WDR89: variants seen among roughly 807,000 people sequenced by gnomAD.
WDR89 encodes the protein WD repeat domain 89.
WDR89 carries 17 observed loss-of-function variants against 29.1 expected under a neutral mutation model. That is an observed-to-expected ratio of 0.58 (90% CI 0.40 to 0.88). The LOEUF is 0.88. WDR89 is among the 40% of genes least tolerant of loss of function. The pLI is 0.00. For missense variants in WDR89, 396 were observed against 456.3 expected (o/e 0.87, Z 1.20); for synonymous variants, 138 against 157.8 (o/e 0.87, Z 0.94).
chr14:63,606,603 A>G (rs1895335394), intron 2 of WDR89, among the ~76,000 whole-genome samples: 1 of 152,208 alleles, frequency 6.6e-6, no homozygotes, highest in South Asian at 2.1e-4. Context: ...AGTATGTAGT[A>G]GGCTATACTA....
Position 63,598,521 on chromosome 14 carries a change from C to A in WDR89, c.*258G>T. ...CCTTATCGGAGCTATTTCTTTAAAG[C>A]CAACATTTACTACATTAACAGATGG... On this transcript the variant is annotated 3_prime_UTR_variant, in exon 3 of 3. Transcript: ENST00000620954. 1 of 281,900 alleles carries A rather than the reference C, an allele frequency of 3.5e-6. No homozygotes were observed. Among genetic ancestry groups the A allele is most frequent in the Non-Finnish European group, 6.5e-6 (1 of 153,902 alleles). The allele number at this position is 281,900 out of a possible 1,614,324, so 17.5% of individuals were successfully genotyped here. A position where few individuals can be genotyped will look rare whatever the true frequency, so the allele number is the denominator to read the frequency against.
chr14:63,616,752 T>G (rs994889141), intron 2 of WDR89, among the ~76,000 whole-genome samples: 3 of 152,084 alleles, frequency 2.0e-5, no homozygotes, highest in Non-Finnish European at 4.4e-5. Flanking sequence ...TATTCTCAAG[T>G]GAGAAAGAAA....
intron 1 of WDR89, chr14:63,641,349 A>G (rs1271090485): frequency 6.6e-6 from 1 of 152,242 alleles, no homozygotes; most frequent in East Asian, 1.9e-4. Context: ...AGTTGCTGGT[A>G]TCATACCACA....
chr14:63,640,992 G>T (rs1315897627), intron 1 of WDR89, among the ~76,000 whole-genome samples: 1 of 149,318 alleles, frequency 6.7e-6, no homozygotes. Context: ...CGGCTACTCG[G>T]GAGGCTGAGG....
intron 2 of WDR89, among the ~76,000 whole-genome samples, chr14:63,620,054 A>G (rs1020929004): frequency 6.6e-6 from 1 of 151,942 alleles, no homozygotes; most frequent in Non-Finnish European, 1.5e-5. Context: ...TGTCAAAGAG[A>G]TATCTGTACT....
At chr14:63,631,634 A>C (rs1033374032) in intron 1 of WDR89, among the ~76,000 whole-genome samples, 1 of 152,050 alleles carries the variant, frequency 6.6e-6, no homozygotes, top group Non-Finnish European at 1.5e-5. Context: ...CTCTTGCCTC[A>C]ACCTCCCAGT....
intron 2 of WDR89, among the ~76,000 whole-genome samples, chr14:63,623,001 A>G (rs1882798267): frequency 6.6e-6 from 1 of 151,476 alleles, no homozygotes; most frequent in South Asian, 2.1e-4. Flanking sequence ...GGAGTTCGAG[A>G]CCAGCTGGGC....
chr14:63,608,900 A>G (rs1487278983), intron 2 of WDR89, among the ~76,000 whole-genome samples: 1 of 152,192 alleles, frequency 6.6e-6, no homozygotes, highest in Non-Finnish European at 1.5e-5. Context: ...TGGGAGATCT[A>G]GGCCATCCTG....
chr14:63,611,585 T>G (rs1881992815), intron 2 of WDR89, among the ~76,000 whole-genome samples: 1 of 151,972 alleles, frequency 6.6e-6, no homozygotes, highest in South Asian at 2.1e-4. Flanking sequence ...CAATGTTAAT[T>G]TCTTAGTTTT....
chr14:63,624,648 T>A (rs991967686), intron 2 of WDR89, among the ~76,000 whole-genome samples: 11 of 151,980 alleles, frequency 7.2e-5, no homozygotes, highest in African/African-American at 2.7e-4. Context: ...AATTAAAACA[T>A]GGGAAAATAT....
intron 2 of WDR89, among the ~76,000 whole-genome samples, chr14:63,616,383 TAGA>T (rs1326817994): frequency 6.6e-6 from 1 of 151,954 alleles, no homozygotes; most frequent in African/African-American, 2.4e-5. Flanking sequence ...CAGGACAGGA[TAGA>T]AGGAGATAGG....
At chr14:63,604,230 G>C (rs1895211422) in intron 2 of WDR89, among the ~76,000 whole-genome samples, 1 of 152,164 alleles carries the variant, frequency 6.6e-6, no homozygotes, top group African/African-American at 2.4e-5. Flanking sequence ...TTCGAGACCA[G>C]CCTGGGCAAC....
intron 1 of WDR89, among the ~76,000 whole-genome samples, chr14:63,635,561 C>G (rs560036969): frequency 6.6e-6 from 1 of 152,300 alleles, no homozygotes; most frequent in African/African-American, 2.4e-5. Context: ...CCTCTGAGAA[C>G]TGGAACAAGA....
Position 63,626,580 on chromosome 14 carries a change from GA to G in WDR89, c.-137-1548del, listed in dbSNP as rs1432529883. 9.6e-5 allele frequency among the ~76,000 whole-genome samples: 14 copies of G among 146,156 alleles called. No homozygotes were observed. The East Asian group carries it at 2.8e-3, about 29-fold the overall frequency. On this transcript the variant is annotated intron_variant, in intron 1 of 2. Transcript: ENST00000620954. ...TAATCCCAGCTGCTTAGGAGGCTGAGAGGCATGAAAATGGCTTGAGCCCGGG... is the reference window on the plus strand; with the variant it reads ...TAATCCCAGCTGCTTAGGAGGCTGAGGGCATGAAAATGGCTTGAGCCCGGG...
chr14:63,610,439 C>T (rs1282731621), intron 2 of WDR89, among the ~76,000 whole-genome samples: 5 of 151,894 alleles, frequency 3.3e-5, no homozygotes, highest in African/African-American at 1.2e-4. Flanking sequence ...GACTTAGTTA[C>T]CCGCATCCAA....
chr14:63,614,509 A>T (rs959697887), intron 2 of WDR89, among the ~76,000 whole-genome samples: 2 of 151,988 alleles, frequency 1.3e-5, no homozygotes, highest in East Asian at 3.9e-4. Context: ...GCTTATCTAA[A>T]GCAAAACTGC....
intron 1 of WDR89, among the ~76,000 whole-genome samples, chr14:63,626,471 G>A (rs1444684656): frequency 6.6e-6 from 1 of 151,190 alleles, no homozygotes; most frequent in Non-Finnish European, 1.5e-5. Flanking sequence ...GAGCTCAAGA[G>A]TTTGAGACCA....
At chr14:63,620,022 A>AAAAAG (rs1566795873) in intron 2 of WDR89, among the ~76,000 whole-genome samples, 1 of 151,526 alleles carries the variant, frequency 6.6e-6, no homozygotes. Flanking sequence ...AAAAAAAAAA[A>AAAAAG]AAGAAAAAGA....
At chr14:63,628,593 A>G (rs1469029465) in intron 1 of WDR89, among the ~76,000 whole-genome samples, 2 of 152,244 alleles carry the variant, frequency 1.3e-5, no homozygotes, top group Admixed American at 6.5e-5. Flanking sequence ...TTAAAAAGTG[A>G]GCAATGCAAA....
Sources: allele counts gnomAD v4.1 joint callset (sites outside exome capture counted in the v4.1 genomes callset), GRCh38; gene constraint gnomAD v4.1.1; transcripts MANE v1.5; gene names NCBI Gene and HGNC (gene_info 2026-07-23, HGNC 2026-07-21).